The following BACH2 variants were observed in gnomAD, a reference collection of about 807,000 sequenced individuals.
BACH2 encodes transcription regulator protein BACH2.
Under a neutral mutation model 61.8 loss-of-function variants are expected in BACH2, and 5 were observed. The ratio of observed to expected loss-of-function variants is 0.08; its 90% CI spans 0.04 to 0.17. The LOEUF (loss-of-function observed/expected upper bound fraction) is 0.17. Among genes scored for constraint, BACH2 ranks in the 10% least tolerant of loss-of-function variants. BACH2 has a pLI of 1.00. For synonymous variants in BACH2, 446 were observed against 440.1 expected, an observed-to-expected ratio of 1.01 and a Z score of -0.17; for missense variants, 824 against 1,091.1, an observed-to-expected ratio of 0.76 and a Z score of 3.45.
chr6:90,080,546 A>G (rs565405888), intron 5 of BACH2, among the ~76,000 whole-genome samples: 2 of 152,304 alleles, frequency 1.3e-5, no homozygotes, highest in South Asian at 4.1e-4. Flanking sequence ...TAGAGATGAG[A>G]GTCTATTTTT....
intron 4 of BACH2, among the ~76,000 whole-genome samples, chr6:90,145,816 G>A (rs1248575055): frequency 1.3e-5 from 2 of 152,230 alleles, no homozygotes; most frequent in Admixed American, 1.3e-4. Context: ...GATTTGCACA[G>A]AGAGGTAAAA....
chr6:90,227,138 T>C (rs969749373), intron 3 of BACH2, among the ~76,000 whole-genome samples: 2 of 152,248 alleles, frequency 1.3e-5, no homozygotes, highest in African/African-American at 2.4e-5. Context: ...ATATCCCTAC[T>C]TCTGTCAATG....
At position 89,950,621 on chromosome 6, in the gene BACH2, C is replaced by T. The variant is rs2128356747; in HGVS notation, c.1485G>A (p.Arg495=). 1 of 1,613,914 alleles carries T rather than the reference C, an allele frequency of 6.2e-7. No homozygotes were observed. The highest frequency in any genetic ancestry group is 8.5e-7 in the Non-Finnish European group (1 of 1,179,912). The change falls in exon 7 of 9, where the codon CGG becomes CGA. Residue 495 remains arginine, a synonymous_variant. Coordinates refer to ENST00000257749, the MANE Select transcript of BACH2 (RefSeq NM_021813.4). The surrounding 1 kb of genome is among the most constrained non-coding windows in gnomAD (Gnocchi z 5.3). ...TTGGTACCGGGCAGCTGGTGTTGGGCCGCATCCTTCCTGGCAAGTGGTCGG... is the reference window on the plus strand; with the variant it reads ...TTGGTACCGGGCAGCTGGTGTTGGGTCGCATCCTTCCTGGCAAGTGGTCGG... ...LMADHLPGRM[R]PNTSCPVPIK...
At chr6:90,059,779 G>A (rs1235629374) in intron 5 of BACH2, among the ~76,000 whole-genome samples, 2 of 151,896 alleles carry the variant, frequency 1.3e-5, no homozygotes, top group Non-Finnish European at 2.9e-5. Context: ...TATACACCAT[G>A]GAATACTATG....
At chr6:90,046,052 A>T (rs1779762893) in intron 5 of BACH2, among the ~76,000 whole-genome samples, 1 of 151,526 alleles carries the variant, frequency 6.6e-6, no homozygotes, top group African/African-American at 2.5e-5. Context: ...CAGGAAATAA[A>T]GACCCCAAAA....
chr6:90,203,337 G>A (rs1485889882), intron 4 of BACH2, among the ~76,000 whole-genome samples: 1 of 137,790 alleles, frequency 7.3e-6, no homozygotes, highest in African/African-American at 2.8e-5. Flanking sequence ...CTTGAGTCCA[G>A]GAGGTTGAGC....
At chr6:90,007,554 C>A (rs909491893) in intron 6 of BACH2, among the ~76,000 whole-genome samples, 1 of 152,126 alleles carries the variant, frequency 6.6e-6, no homozygotes, top group Non-Finnish European at 1.5e-5. Context: ...ACCTACTTCA[C>A]TCATTTATAT....
At chr6:90,003,442 A>G (rs1187287236) in intron 6 of BACH2, among the ~76,000 whole-genome samples, 1 of 151,906 alleles carries the variant, frequency 6.6e-6, no homozygotes, top group African/African-American at 2.4e-5. Context: ...TTGTATCCTA[A>G]CTCCCTTCTC....
At chr6:90,170,633 A>G (rs910910824) in intron 4 of BACH2, among the ~76,000 whole-genome samples, 1 of 152,246 alleles carries the variant, frequency 6.6e-6, no homozygotes, top group African/African-American at 2.4e-5. Flanking sequence ...TAGGTAAAAT[A>G]TGATTCTATT....
intron 5 of BACH2, among the ~76,000 whole-genome samples, chr6:90,042,028 T>A (rs1030093538): frequency 6.6e-6 from 1 of 152,182 alleles, no homozygotes; most frequent in Non-Finnish European, 1.5e-5. Flanking sequence ...TGCTTTAAGC[T>A]GCAGCTCCTG....
intron 4 of BACH2, among the ~76,000 whole-genome samples, chr6:90,201,155 A>G (rs1216296851): frequency 2.0e-5 from 3 of 152,190 alleles, no homozygotes; most frequent in Admixed American, 6.5e-5. Flanking sequence ...TGTGATGAAC[A>G]TTTTAGCTAA....
chr6:90,219,816 G>A (rs185101667), intron 3 of BACH2, among the ~76,000 whole-genome samples: 7 of 119,000 alleles, frequency 5.9e-5, no homozygotes, highest in African/African-American at 2.7e-5. Flanking sequence ...ACACACACAC[G>A]CTCCCGAAGT....
chr6:90,212,778 AAG>A (rs1354743583), intron 3 of BACH2, among the ~76,000 whole-genome samples: 3 of 152,190 alleles, frequency 2.0e-5, no homozygotes, highest in Non-Finnish European at 2.9e-5. Context: ...TAAATTATAA[AAG>A]AGAGACACAT....
At position 89,951,886 on chromosome 6, in the gene BACH2, CCAA is replaced by C; in HGVS notation, c.244-27_244-25del. 1.3e-6 allele frequency: 2 copies of C among 1,598,638 alleles called. No homozygotes were observed. The highest frequency in any genetic ancestry group is 1.7e-6 in the Non-Finnish European group (2 of 1,169,996). ...ACCTGCAAAACAAACAGGGAAATCGCCAACATTACCATCAGCACTGCTATTGTC... is the reference window on the plus strand; with the variant it reads ...ACCTGCAAAACAAACAGGGAAATCGCCATTACCATCAGCACTGCTATTGTC... On this transcript the variant is annotated intron_variant, in intron 6 of 8. Coordinates refer to ENST00000257749, the MANE Select transcript of BACH2 (RefSeq NM_021813.4). This position sits in a 1 kb window ranked among gnomAD's most constrained non-coding sequence, Gnocchi z 6.4.
intron 8 of BACH2, among the ~76,000 whole-genome samples, chr6:89,934,849 T>G (rs1174926025): frequency 6.6e-6 from 1 of 151,964 alleles, no homozygotes; most frequent in Non-Finnish European, 1.5e-5. Context: ...GGAGCAGGCA[T>G]GCGACACGCA....
intron 1 of BACH2, among the ~76,000 whole-genome samples, chr6:90,272,472 C>A (rs1206366972): frequency 6.6e-6 from 1 of 152,082 alleles, no homozygotes; most frequent in Non-Finnish European, 1.5e-5. Context: ...CCCTTGAACT[C>A]CTCTCCTTTA....
chr6:89,933,882 A>G (rs2128352701), intron 8 of BACH2, among the ~76,000 whole-genome samples: 1 of 152,144 alleles, frequency 6.6e-6, no homozygotes, highest in Middle Eastern at 3.4e-3. Flanking sequence ...GCTTCTTGGG[A>G]GGCTGAGGTG....
intron 5 of BACH2, among the ~76,000 whole-genome samples, chr6:90,012,436 C>T (rs1386315063): frequency 2.0e-5 from 3 of 151,736 alleles, no homozygotes; most frequent in Non-Finnish European, 4.4e-5. Flanking sequence ...GTGAGACCAG[C>T]CTGGCCAACA....
chr6:90,173,229 A>C (rs1767877948), intron 4 of BACH2, among the ~76,000 whole-genome samples: 1 of 152,182 alleles, frequency 6.6e-6, no homozygotes, highest in South Asian at 2.1e-4. Context: ...ATATAAATGC[A>C]TTAGTGCAAT....
Sources: gnomAD v4.1 joint callset for allele counts (sites outside exome capture counted in the v4.1 genomes callset) on GRCh38, gnomAD v4.1.1 for gene constraint, Gnocchi (gnomAD v3.1) non-coding constraint, MANE v1.5 for transcripts, NCBI Gene and HGNC (gene_info 2026-07-23, HGNC 2026-07-21) for gene names.